INPP4B: variants seen among roughly 807,000 people sequenced by gnomAD.
INPP4B encodes the protein inositol polyphosphate 4-phosphatase type II.
In INPP4B, 55 loss-of-function variants were observed where a neutral mutation model predicts 122.5. The observed-to-expected ratio is 0.45, with a 90% CI of 0.36 to 0.56. The LOEUF (loss-of-function observed/expected upper bound fraction) is 0.56, where lower values mean the gene tolerates loss of function less well. INPP4B is among the 20% of genes least tolerant of loss of function. The pLI is 0.00. For synonymous variants in INPP4B, 403 were observed against 388.7 expected, an observed-to-expected ratio of 1.04 and a Z score of -0.43; for missense variants, 1,000 against 1,097.7, an observed-to-expected ratio of 0.91 and a Z score of 1.26.
At chr4:142,072,778 C>A (rs967625954) in intron 25 of INPP4B, among the ~76,000 whole-genome samples, 1 of 152,042 alleles carries the variant, frequency 6.6e-6, no homozygotes, top group Non-Finnish European at 1.5e-5. Context: ...GCGCTCATGA[C>A]AACCCTATTA....
intron 1 of INPP4B, among the ~76,000 whole-genome samples, chr4:142,782,862 A>T (rs539825842): frequency 6.6e-6 from 1 of 152,310 alleles, no homozygotes; most frequent in Admixed American, 6.5e-5. Context: ...ATAACGCCGC[A>T]TATCTACAAC....
At chr4:142,305,356 C>T (rs958730450) in intron 9 of INPP4B, 102 bp downstream of exon 9, 16 of 831,872 alleles carry the variant, frequency 1.9e-5, no homozygotes, top group African/African-American at 1.7e-4. Flanking sequence ...TGAGAACTGA[C>T]ATCTAACATC....
intron 5 of INPP4B, among the ~76,000 whole-genome samples, chr4:142,411,773 T>C (rs964093289): frequency 6.6e-6 from 1 of 152,076 alleles, no homozygotes; most frequent in Non-Finnish European, 1.5e-5. Flanking sequence ...GCGTTTGTAA[T>C]CCCAGCTACT....
intron 2 of INPP4B, among the ~76,000 whole-genome samples, chr4:142,631,370 T>C (rs1030966809): frequency 2.6e-5 from 4 of 151,934 alleles, no homozygotes; most frequent in African/African-American, 7.3e-5. Flanking sequence ...CTGAAAATGA[T>C]TTGCAAGAAA....
chr4:142,515,243 C>T (rs1001516547), intron 2 of INPP4B, among the ~76,000 whole-genome samples: 4 of 152,134 alleles, frequency 2.6e-5, no homozygotes, highest in South Asian at 2.1e-4. Flanking sequence ...AAGGGCTATT[C>T]GTCAACTTTC....
intron 25 of INPP4B, among the ~76,000 whole-genome samples, chr4:142,038,635 G>A (rs754744346): frequency 9.9e-5 from 15 of 152,106 alleles, no homozygotes; most frequent in Admixed American, 6.6e-5. Flanking sequence ...AGTGGGGTTT[G>A]GGAAACCTGG....
chr4:142,383,931 A>G, intron 7 of INPP4B: 1 of 583,258 alleles, frequency 1.7e-6, no homozygotes, highest in Non-Finnish European at 3.1e-6. Context: ...CAGCTATTTC[A>G]CAAGAAAACT....
intron 2 of INPP4B, among the ~76,000 whole-genome samples, chr4:142,507,080 T>C (rs1371555924): frequency 6.6e-6 from 1 of 152,216 alleles, no homozygotes; most frequent in Admixed American, 6.5e-5. Context: ...CCTGCTACCA[T>C]AATGTCTTTG....
intron 17 of INPP4B, among the ~76,000 whole-genome samples, chr4:142,149,550 A>T (rs1324595212): frequency 1.3e-5 from 2 of 152,204 alleles, no homozygotes; most frequent in Non-Finnish European, 2.9e-5. Flanking sequence ...CTAAGCAGAA[A>T]AAAAAACAAA....
intron 1 of INPP4B, among the ~76,000 whole-genome samples, chr4:142,756,326 C>T (rs1277877616): frequency 1.3e-5 from 2 of 151,942 alleles, no homozygotes; most frequent in Non-Finnish European, 2.9e-5. Context: ...AAAACTGCGG[C>T]GTTAACAAAA....
intron 8 of INPP4B, 33 bp from the exon 9 acceptor site, chr4:142,305,570 T>A (rs370063247): frequency 2.9e-5 from 46 of 1,586,566 alleles, no homozygotes; most frequent in Non-Finnish European, 3.6e-5. Context: ...TTTCATTAAC[T>A]TGAGGTTCTT....
intron 2 of INPP4B, among the ~76,000 whole-genome samples, chr4:142,592,944 A>T (rs151316091): frequency 0.023 from 3,529 of 152,042 alleles, 136 homozygotes; most frequent in African/African-American, 0.08. Flanking sequence ...CTACAAAATA[A>T]AAACAAAAAA....
intron 1 of INPP4B, among the ~76,000 whole-genome samples, chr4:142,807,152 G>A (rs988679345): frequency 3.3e-5 from 5 of 152,194 alleles, no homozygotes; most frequent in Non-Finnish European, 5.9e-5. Flanking sequence ...AGTGCTGATT[G>A]TGCTTATTAG....
At chr4:142,418,686 C>A (rs1483498850) in intron 5 of INPP4B, among the ~76,000 whole-genome samples, 1 of 152,012 alleles carries the variant, frequency 6.6e-6, no homozygotes, top group Non-Finnish European at 1.5e-5. Flanking sequence ...GAAAGAAGCC[C>A]CATGGGTTGA....
chr4:142,589,004 G>A (rs991954869), intron 2 of INPP4B, among the ~76,000 whole-genome samples: 5 of 151,868 alleles, frequency 3.3e-5, no homozygotes, highest in African/African-American at 1.2e-4. Context: ...GAAAAAAAAT[G>A]GAAGAATGAA....
chr4:142,138,942 T>G (rs1806223121), intron 18 of INPP4B, among the ~76,000 whole-genome samples: 1 of 152,218 alleles, frequency 6.6e-6, no homozygotes, highest in African/African-American at 2.4e-5. Flanking sequence ...TTTGCTCATC[T>G]TTTCTTCTTC....
chr4:142,236,383 G>T (rs868241256), intron 12 of INPP4B, among the ~76,000 whole-genome samples: 6 of 152,002 alleles, frequency 3.9e-5, no homozygotes, highest in Middle Eastern at 3.2e-3. Context: ...CATGTCTATT[G>T]CCTAATAGTA....
At chr4:142,375,239 T>A (rs755377819) in intron 7 of INPP4B, among the ~76,000 whole-genome samples, 24 of 151,792 alleles carry the variant, frequency 1.6e-4, no homozygotes, top group Admixed American at 6.6e-4. Flanking sequence ...AATTCTTCCA[T>A]AATTTGTTTT....
intron 9 of INPP4B, among the ~76,000 whole-genome samples, chr4:142,283,306 G>A (rs1026717303): frequency 6.6e-6 from 1 of 152,062 alleles, no homozygotes; most frequent in Non-Finnish European, 1.5e-5. Context: ...AGGCAGGAAT[G>A]AGGAGCTCAG....
Sources: allele counts gnomAD v4.1 joint callset (sites outside exome capture counted in the v4.1 genomes callset), GRCh38; gene constraint gnomAD v4.1.1; transcripts MANE v1.5; gene names NCBI Gene and HGNC (gene_info 2026-07-23, HGNC 2026-07-21).